The following DCAF8L2 variants were observed in gnomAD, a reference collection of about 807,000 sequenced individuals.
DCAF8L2 encodes the protein DDB1 and CUL4 associated factor 8 like 2, also known as DDB1- and CUL4-associated factor 8-like protein 2.
For synonymous variants in DCAF8L2, 200 were observed against 190.9 expected (o/e 1.05, Z -0.39); for missense variants, 430 against 490.7 (o/e 0.88, Z 1.17).
the DCAF8L2 span, among the ~76,000 whole-genome samples, chrX:27,497,509 TTTCCTTCCTTCCTTCCTTCC>T: frequency 2.1e-5 from 1 of 46,528 alleles, no homozygotes; most frequent in Non-Finnish European, 3.8e-5. Context: ...TCTTTCTTTC[TTTCCTTCCTTCCTTCCTTCC>T]TTCCTTCCTT....
the DCAF8L2 span, among the ~76,000 whole-genome samples, chrX:27,572,336 G>A: frequency 9.0e-6 from 1 of 111,383 alleles, no homozygotes; most frequent in African/African-American, 3.3e-5. Flanking sequence ...CTCAGCCAGG[G>A]ACACCGGGAA....
At chrX:27,534,136 T>C in the DCAF8L2 span, among the ~76,000 whole-genome samples, 1 of 107,744 alleles carries the variant, frequency 9.3e-6, no homozygotes, top group Non-Finnish European at 1.9e-5. Flanking sequence ...ACTTGAGCCC[T>C]GGAGGTGGAG....
intron 1 of DCAF8L2, among the ~76,000 whole-genome samples, chrX:27,612,383 C>T (rs916064215): frequency 5.4e-5 from 6 of 111,967 alleles, no homozygotes; most frequent in Admixed American, 9.5e-5. Flanking sequence ...AATGTTCTCC[C>T]GTTCTGTAGG....
chrX:27,607,338 A>G (rs926167879), intron 1 of DCAF8L2, among the ~76,000 whole-genome samples: 1 of 111,407 alleles, frequency 9.0e-6, no homozygotes, highest in Non-Finnish European at 1.9e-5. Flanking sequence ...TGCATTACCA[A>G]ATGGTACCAG....
At chrX:27,648,797 G>T (rs1402063097) in intron 2 of DCAF8L2, among the ~76,000 whole-genome samples, 1 of 111,161 alleles carries the variant, frequency 9.0e-6, no homozygotes. Flanking sequence ...ATAAGCCGAA[G>T]TAGGATTTAT....
the DCAF8L2 span, among the ~76,000 whole-genome samples, chrX:27,571,489 G>T: frequency 9.0e-6 from 1 of 111,709 alleles, no homozygotes; most frequent in African/African-American, 3.3e-5. Context: ...CATTGCGAAT[G>T]GTTCTGACAT....
At chrX:27,531,348 TC>T in the DCAF8L2 span, among the ~76,000 whole-genome samples, 72 of 110,950 alleles carry the variant, frequency 6.5e-4, no homozygotes, top group African/African-American at 2.2e-3. Flanking sequence ...CATGGGAAAA[TC>T]CCACCCCACT....
intron 3 of DCAF8L2, among the ~76,000 whole-genome samples, chrX:27,701,762 ACT>A (rs1388999695): frequency 9.0e-6 from 1 of 110,971 alleles, no homozygotes; most frequent in East Asian, 2.8e-4. Flanking sequence ...ATAAGAAGAA[ACT>A]CTCAAATCGG....
chrX:27,745,505 T>C (rs1569200151), intron 4 of DCAF8L2, among the ~76,000 whole-genome samples: 1 of 112,394 alleles, frequency 8.9e-6, no homozygotes, highest in Admixed American at 9.4e-5. Context: ...TCCATGTTAT[T>C]CTTGATGGGC....
chrX:27,555,794 T>C, the DCAF8L2 span, among the ~76,000 whole-genome samples: 1 of 111,519 alleles, frequency 9.0e-6, no homozygotes, highest in Non-Finnish European at 1.9e-5. Flanking sequence ...CCAGTGGTGT[T>C]CTACCACAGC....
chrX:27,487,780 TCTC>T, the DCAF8L2 span, among the ~76,000 whole-genome samples: 1 of 111,892 alleles, frequency 8.9e-6, no homozygotes, highest in African/African-American at 3.2e-5. Context: ...TGCAGTCACT[TCTC>T]CTTCACACTC....
chrX:27,722,309 C>T (rs970994298), intron 4 of DCAF8L2, among the ~76,000 whole-genome samples: 3 of 111,345 alleles, frequency 2.7e-5, no homozygotes, highest in East Asian at 2.8e-4. Context: ...AATGTGGTTA[C>T]GTTCTGATAA....
chrX:27,682,907 T>G (rs1329370314), intron 3 of DCAF8L2, among the ~76,000 whole-genome samples: 2 of 110,661 alleles, frequency 1.8e-5, no homozygotes, highest in African/African-American at 6.6e-5. Flanking sequence ...ACTGCTCCAT[T>G]TGAATAATCC....
chrX:27,724,996 A>G (rs1039002844), intron 4 of DCAF8L2, among the ~76,000 whole-genome samples: 6 of 111,553 alleles, frequency 5.4e-5, no homozygotes, highest in African/African-American at 1.9e-4. Context: ...CTAAATAATT[A>G]TTACAGAAAA....
intron 1 of DCAF8L2, among the ~76,000 whole-genome samples, chrX:27,610,977 T>C (rs776355743): frequency 2.7e-5 from 3 of 112,392 alleles, no homozygotes; most frequent in East Asian, 2.8e-4. Flanking sequence ...AAAACATCAG[T>C]AACGATTTGA....
chrX:27,484,074 G>T, the DCAF8L2 span, among the ~76,000 whole-genome samples: 54 of 111,280 alleles, frequency 4.9e-4, no homozygotes, highest in Middle Eastern at 9.3e-3. Context: ...TTTTGATAAC[G>T]GTATTAAAGG....
chrX:27,565,428 C>T, the DCAF8L2 span, among the ~76,000 whole-genome samples: 5 of 111,431 alleles, frequency 4.5e-5, no homozygotes, highest in Admixed American at 9.5e-5. Context: ...GTGTATGATC[C>T]TTTTAATATT....
intron 2 of DCAF8L2, among the ~76,000 whole-genome samples, chrX:27,659,879 A>G (rs1929492657): frequency 9.0e-6 from 1 of 110,804 alleles, no homozygotes. Flanking sequence ...TATCTCACTG[A>G]GTTTTAAAAA....
At chrX:27,558,848 A>G in the DCAF8L2 span, among the ~76,000 whole-genome samples, 1 of 101,876 alleles carries the variant, frequency 9.8e-6, no homozygotes, top group Non-Finnish European at 1.9e-5. Context: ...TGCTTTCATC[A>G]GGCTGTGTTC....
Sources: allele counts gnomAD v4.1 joint callset (sites outside exome capture counted in the v4.1 genomes callset), GRCh38; gene constraint gnomAD v4.1.1; transcripts MANE v1.5; gene names NCBI Gene and HGNC (gene_info 2026-07-23, HGNC 2026-07-21).